Variants in DLG1 observed in about 807,000 individuals in gnomAD.
The protein encoded by DLG1 is disks large homolog 1.
In DLG1, 42 loss-of-function variants were observed where a neutral mutation model predicts 123.4. The ratio of observed to expected loss-of-function variants is 0.34; its 90% CI spans 0.27 to 0.44. The LOEUF (loss-of-function observed/expected upper bound fraction) is 0.44. Ranked by LOEUF, DLG1 falls within the 20% of genes least tolerant of loss-of-function variation. DLG1 has a pLI of 1.00. For synonymous variants in DLG1, 317 were observed against 356.2 expected (o/e 0.89, Z 1.24); for missense variants, 942 against 1,082.6 (o/e 0.87, Z 1.82).
chr3:197,207,579 T>C (rs73086583), intron 4 of DLG1, among the ~76,000 whole-genome samples: 1,657 of 152,238 alleles, frequency 0.011, 31 homozygotes, highest in African/African-American at 0.037. Context: ...AGAAAGTCTA[T>C]AGATAAGGAG....
chr3:197,152,894 A>G (rs1794678261), intron 5 of DLG1, among the ~76,000 whole-genome samples: 1 of 152,164 alleles, frequency 6.6e-6, no homozygotes, highest in Non-Finnish European at 1.5e-5. Flanking sequence ...GCAGCCTTAC[A>G]AAGTTTCAGA....
chr3:197,189,928 A>T (rs1477532163), intron 5 of DLG1, among the ~76,000 whole-genome samples: 1 of 152,242 alleles, frequency 6.6e-6, no homozygotes, highest in African/African-American at 2.4e-5. Flanking sequence ...CTTAGAACTG[A>T]TGATAAAGGA....
At chr3:197,219,895 G>C (rs1014603799) in intron 4 of DLG1, among the ~76,000 whole-genome samples, 1 of 152,158 alleles carries the variant, frequency 6.6e-6, no homozygotes, top group Non-Finnish European at 1.5e-5. Flanking sequence ...TCAGCCTCCA[G>C]AACACTGAGA....
chr3:197,056,329 C>T (rs958589634), intron 23 of DLG1, among the ~76,000 whole-genome samples: 15 of 152,294 alleles, frequency 9.8e-5, no homozygotes, highest in Admixed American at 2.0e-4. Flanking sequence ...TTGGTTGTTA[C>T]ATTTTGCCTT....
At chr3:197,244,553 G>A (rs1750653938) in intron 4 of DLG1, among the ~76,000 whole-genome samples, 1 of 151,836 alleles carries the variant, frequency 6.6e-6, no homozygotes, top group Non-Finnish European at 1.5e-5. Context: ...TTGTCTGACA[G>A]TAGAGAGGGG....
chr3:197,199,988 A>G (rs1016985391), intron 4 of DLG1, among the ~76,000 whole-genome samples: 1 of 152,178 alleles, frequency 6.6e-6, no homozygotes, highest in Non-Finnish European at 1.5e-5. Context: ...CCTTTGACAT[A>G]AAACTTTACA....
intron 4 of DLG1, among the ~76,000 whole-genome samples, chr3:197,222,430 T>C (rs763722788): frequency 6.6e-6 from 1 of 152,166 alleles, no homozygotes; most frequent in Non-Finnish European, 1.5e-5. Flanking sequence ...TTTAAAGTCA[T>C]TGTTAGTTTA....
intron 14 of DLG1, among the ~76,000 whole-genome samples, chr3:197,101,356 A>G (rs559916798): frequency 6.6e-6 from 1 of 152,260 alleles, no homozygotes; most frequent in Admixed American, 6.5e-5. Context: ...TGCATGGCGT[A>G]CAGTTTTACT....
At chr3:197,289,715 C>G (rs1485576848) in intron 3 of DLG1, among the ~76,000 whole-genome samples, 3 of 152,196 alleles carry the variant, frequency 2.0e-5, no homozygotes, top group African/African-American at 4.8e-5. Flanking sequence ...CAAATCTACT[C>G]AAGCACAAAT....
In DLG1 at chr3:197,130,660, T is replaced by C. The variant is rs955021671; in HGVS notation, c.1032A>G (p.Val344=). The change falls in exon 11 of 25, where the codon GTA becomes GTG. Residue 344 remains valine, a synonymous_variant. Transcript: ENST00000667157. ...IGDKLLAVNN[V]CLEEVTHEEA... Reference sequence around the variant, plus strand: ...CTTCATGAGTAACTTCTTCTAAACATACGTTATTCACCTAAAAAAAGTCCC... The same window carrying C: ...CTTCATGAGTAACTTCTTCTAAACACACGTTATTCACCTAAAAAAAGTCCC... 1.3e-6 allele frequency: 2 copies of C among 1,599,560 alleles called. No individual in the cohort carries two copies. Among genetic ancestry groups the C allele is most frequent in the African/African-American group, 2.7e-5 (2 of 74,494 alleles).
At chr3:197,161,192 T>C (rs1217625566) in intron 5 of DLG1, among the ~76,000 whole-genome samples, 1 of 152,172 alleles carries the variant, frequency 6.6e-6, no homozygotes, top group East Asian at 1.9e-4. Context: ...AAATGTGAAG[T>C]GTGTTATCTA....
At position 197,072,450 on chromosome 3, in the gene DLG1, A is replaced by G. The variant is rs572871465; in HGVS notation, c.2006-3190T>C. Among the ~76,000 whole-genome samples, 9 of 152,278 alleles carry G rather than the reference A, an allele frequency of 5.9e-5. No individual in the cohort carries two copies. In the South Asian group the frequency reaches 1.5e-3, roughly 25 times the overall value. The stretch of plus-strand genomic sequence containing the variant: ...CCGTCATGGGTTTTCTTTTTAAACA[A>G]AAGTCTGCCAAAGTGACAGGTAAAA... On this transcript the variant is annotated intron_variant, in intron 18 of 24. Transcript: ENST00000667157.
chr3:197,252,346 C>T (rs1002792779), intron 4 of DLG1, among the ~76,000 whole-genome samples: 4 of 151,928 alleles, frequency 2.6e-5, no homozygotes, highest in African/African-American at 9.7e-5. Flanking sequence ...TATCCATTAA[C>T]GAAATAATGG....
rs772194713 is a variant in DLG1, at chr3:197,065,306, A to T, written c.2343T>A (p.Ser781Arg). The T allele has an allele frequency of 1.2e-6, 2 of 1,609,496 alleles. No homozygotes were observed. Among genetic ancestry groups the T allele is most frequent in the Non-Finnish European group, 1.7e-6 (2 of 1,178,754 alleles). Reference sequence around the variant, plus strand: ...CTGCTACTTCTCGTACAGACTGAACACTTGTTCCATATAGATGATTGTTAT... The same window carrying T: ...CTGCTACTTCTCGTACAGACTGAACTCTTGTTCCATATAGATGATTGTTAT... ...GQYNNHLYGTSVQSVREVAEK... is the reference protein window; with the variant it reads ...GQYNNHLYGTRVQSVREVAEK... The change falls in exon 22 of 25, where the codon AGT becomes AGA. Residue 781 changes from serine (S) to arginine (R), a missense_variant. Coordinates refer to ENST00000667157, the MANE Select transcript of DLG1 (RefSeq NM_001366207.1).
chr3:197,156,059 CA>C (rs1796290763), intron 5 of DLG1, among the ~76,000 whole-genome samples: 1 of 152,206 alleles, frequency 6.6e-6, no homozygotes, highest in African/African-American at 2.4e-5. Flanking sequence ...TTTGTAACTT[CA>C]TATTTTGTCT....
chr3:197,195,747 G>A (rs548882714), intron 4 of DLG1, among the ~76,000 whole-genome samples: 9 of 152,004 alleles, frequency 5.9e-5, no homozygotes, highest in Non-Finnish European at 1.0e-4. Flanking sequence ...GGTAGAAGGG[G>A]GTGTGGGGTG....
intron 15 of DLG1, among the ~76,000 whole-genome samples, chr3:197,087,380 A>C (rs1445225893): frequency 6.6e-6 from 1 of 151,020 alleles, no homozygotes; most frequent in Non-Finnish European, 1.5e-5. Flanking sequence ...ACTAAAAAAA[A>C]CCCCACAAGA....
At chr3:197,163,074 G>C (rs1221494036) in intron 5 of DLG1, among the ~76,000 whole-genome samples, 2 of 152,194 alleles carry the variant, frequency 1.3e-5, no homozygotes, top group Non-Finnish European at 2.9e-5. Flanking sequence ...AGGTATACAA[G>C]TGGCCAATTA....
chr3:197,142,581 C>T lies in DLG1; in HGVS notation c.588+137G>A, dbSNP rs776484918. 2.7e-5 allele frequency: 14 copies of T among 515,982 alleles called. No individual in the cohort carries two copies. The South Asian group carries it at 7.2e-4, about 27-fold the overall frequency. 32.0% of individuals were successfully genotyped at this position (515,982 alleles called of 1,614,324 possible). A position where few individuals can be genotyped will look rare whatever the true frequency, so the allele number is the denominator to read the frequency against. ...GAAAAGGCAAATGTTTTGAAAATAC[C>T]TTGGCCAATTTTATGAACTGGGAAC... is the stretch of plus-strand genomic sequence containing the variant. On this transcript the variant is annotated intron_variant, in intron 7 of 24. Transcript: ENST00000667157.
Sources: allele counts gnomAD v4.1 joint callset (sites outside exome capture counted in the v4.1 genomes callset), GRCh38; gene constraint gnomAD v4.1.1; transcripts MANE v1.5; gene names NCBI Gene and HGNC (gene_info 2026-07-23, HGNC 2026-07-21).